Variants in PTPRS observed in about 807,000 individuals in gnomAD.
PTPRS encodes the protein protein tyrosine phosphatase receptor type S, also known as receptor-type tyrosine-protein phosphatase S.
PTPRS carries 63 observed loss-of-function variants against 215.3 expected under a neutral mutation model. That is an observed-to-expected ratio of 0.29 (90% confidence interval 0.24 to 0.36). The LOEUF (loss-of-function observed/expected upper bound fraction) is 0.36. PTPRS is among the 10% of genes least tolerant of loss of function. The pLI is 1.00. For synonymous variants in PTPRS, 1,404 were observed against 1,191.4 expected (o/e 1.18, Z -3.68); for missense variants, 2,258 against 2,825.8 (o/e 0.80, Z 4.56).
At chr19:5,235,710 G>A (rs565326658) in intron 13 of PTPRS, among the ~76,000 whole-genome samples, 93 of 152,228 alleles carry the variant, frequency 6.1e-4, no homozygotes, top group African/African-American at 2.1e-3. Context: ...CCAACTAGGT[G>A]CCCAGCACTG....
chr19:5,260,810 A>G lies in PTPRS; in HGVS notation c.590T>C (p.Ile197Thr), dbSNP rs1405759365. The change falls in exon 7 of 38, where the codon ATT becomes ACT. Residue 197 changes from isoleucine to threonine, a missense_variant. Transcript: ENST00000262963. ...LRSETFESTP[I>T]RGALQIESSE... The stretch of plus-strand genomic sequence containing the variant: ...GTGAGTGAGGAGCCTCTTACCTCGA[A>G]TCGGAGTGCTTTCTGTAAGGGAAGC... The G allele has an allele frequency of 6.2e-7, 1 of 1,613,646 alleles. No individual in the cohort carries two copies. The highest frequency in any genetic ancestry group is 1.3e-5 in the African/African-American group (1 of 74,916).
At chr19:5,264,971 C>T (rs998817774) in intron 5 of PTPRS, 37 bp downstream of exon 5, 3 of 1,610,200 alleles carry the variant, frequency 1.9e-6, no homozygotes, top group Non-Finnish European at 1.7e-6. Flanking sequence ...CTGCTGCCCT[C>T]CAAGGCTCCC....
Position 5,206,527 on chromosome 19 carries a change from TGGAA to T in PTPRS, c.*243_*246del. The T allele has an allele frequency of 3.6e-6, 1 of 280,586 alleles. No individual in the cohort carries two copies. Among genetic ancestry groups the T allele is most frequent in the Non-Finnish European group, 6.9e-6 (1 of 145,086 alleles). 17.4% of individuals were successfully genotyped at this position (280,586 alleles called of 1,614,324 possible). Reference sequence around the variant, plus strand: ...CCACCCCGGAATCTGGTTTTGGAATTGGAAGGAAAGGAGGAATGTGCCAAGTATT... The same window carrying T: ...CCACCCCGGAATCTGGTTTTGGAATTGGAAAGGAGGAATGTGCCAAGTATT... On this transcript the variant is annotated 3_prime_UTR_variant, in exon 38 of 38. Transcript: ENST00000262963.
intron 1 of PTPRS, among the ~76,000 whole-genome samples, chr19:5,300,921 G>C (rs61648159): frequency 8.7e-4 from 133 of 152,322 alleles, no homozygotes; most frequent in African/African-American, 3.2e-3. Flanking sequence ...ATAGCACAGA[G>C]GTCAGCAGGT....
intron 1 of PTPRS, among the ~76,000 whole-genome samples, chr19:5,317,484 CA>C (rs972173801): frequency 6.6e-6 from 1 of 152,040 alleles, no homozygotes; most frequent in Non-Finnish European, 1.5e-5. Context: ...ACAAAAAACA[CA>C]AAACATTGCA....
At chr19:5,328,960 T>A (rs1397406793) in intron 1 of PTPRS, among the ~76,000 whole-genome samples, 2 of 152,228 alleles carry the variant, frequency 1.3e-5, no homozygotes, top group African/African-American at 4.8e-5. Context: ...TCATTAGACG[T>A]GGCAATGCTG....
rs747333190 is a variant in PTPRS, at chr19:5,229,313, T to TA, written c.2376+2dup. On this transcript the variant is annotated splice_region_variant and intron_variant, in intron 16 of 37. Transcript: ENST00000262963. ...TAGGTGGGTGGCCAGGGGCGCTACT[T>TA]ACATATTCGGCCGTGTCATCCGTCT... 1.5e-6 allele frequency: 2 copies of TA among 1,378,614 alleles called. No homozygotes were observed. The highest frequency in any genetic ancestry group is 5.6e-5 in the East Asian group (2 of 35,830). 85.4% of individuals were successfully genotyped at this position (1,378,614 alleles called of 1,614,324 possible).
intron 4 of PTPRS, among the ~76,000 whole-genome samples, chr19:5,269,279 G>A (rs2046699569): frequency 6.6e-6 from 1 of 152,176 alleles, no homozygotes; most frequent in African/African-American, 2.4e-5. Flanking sequence ...CAGCCAGGGT[G>A]CAGGGGGAGG....
At position 5,244,269 on chromosome 19, in the gene PTPRS, C is replaced by A; in HGVS notation, c.1202G>T (p.Trp401Leu). ...GLSPNSEYEI[W>L]VSAVNSIGQG... ...GCCGATGGAGTTGACGGCCGACACC[C>A]AGATCTCGTACTCCGAGTTGGGGCT... Residue 401 changes from tryptophan (W) to leucine (L), a missense_variant, in exon 11 of 38, where the codon TGG (tryptophan) becomes TTG (leucine). Trp to Leu is a moderately conservative substitution (Grantham distance 61, BLOSUM62 -2). This residue lies in a region of PTPRS where 508 missense variants were observed against 799.4 expected (regional missense o/e 0.64). Coordinates refer to ENST00000262963, the MANE Select transcript of PTPRS (RefSeq NM_002850.4). This position sits in a 1 kb window ranked among gnomAD's most constrained non-coding sequence, Gnocchi z 7.2. 4 of 1,614,188 alleles carry A rather than the reference C, an allele frequency of 2.5e-6. No individual in the cohort carries two copies. Among genetic ancestry groups the A allele is most frequent in the Non-Finnish European group, 3.4e-6 (4 of 1,180,014 alleles).
At chr19:5,240,133 C>A in intron 12 of PTPRS, 66 bp downstream of exon 12, 1 of 1,421,872 alleles carries the variant, frequency 7.0e-7, no homozygotes, top group South Asian at 1.5e-5. Context: ...AGAGACAAGG[C>A]GGGCAGCGTC....
At chr19:5,336,264 G>GA (rs941756184) in intron 1 of PTPRS, among the ~76,000 whole-genome samples, 2 of 62,010 alleles carry the variant, frequency 3.2e-5, no homozygotes, top group African/African-American at 2.6e-4. Context: ...TAAAGGAAAA[G>GA]GGGGGGGGGC....
At position 5,231,328 on chromosome 19, in the gene PTPRS, C is replaced by A; in HGVS notation, c.2137G>T (p.Val713Phe). The A allele has an allele frequency of 6.2e-7, 1 of 1,609,226 alleles. No individual in the cohort carries two copies. ...GPGPESSPVV[V>F]RTDEDVPSAP... ...TACTTACCATCCTCGTCGGTGCGGA[C>A]GACCACGGGCGAGCTCTCGGGCCCT... The change falls in exon 14 of 38, where the codon GTC becomes TTC. Residue 713 changes from valine to phenylalanine, a missense_variant. Transcript: ENST00000262963.
At chr19:5,220,429 G>A (rs1021467905) in intron 20 of PTPRS, 76 bp from the exon 21 acceptor site, 1 of 1,221,358 alleles carries the variant, frequency 8.2e-7, no homozygotes, top group East Asian at 2.4e-5. Context: ...GGCAAACGGG[G>A]GAAGCCGTTT....
Position 5,286,224 on chromosome 19 carries a change from T to C in PTPRS, c.-84A>G. ...GAGAGGCCTCGAGCCGAGCGTCAGATGGGGCAACGTCTGCAGAGACAATGG... is the reference window on the plus strand; with the variant it reads ...GAGAGGCCTCGAGCCGAGCGTCAGACGGGGCAACGTCTGCAGAGACAATGG... On this transcript the variant is annotated 5_prime_UTR_variant, in exon 2 of 38. Transcript: ENST00000262963. The C allele has an allele frequency of 2.8e-6, 4 of 1,452,814 alleles. No homozygotes were observed. Among genetic ancestry groups the C allele is most frequent in the Non-Finnish European group, 3.8e-6 (4 of 1,055,132 alleles). The allele number at this position is 1,452,814 out of a possible 1,614,324, so 90.0% of individuals were successfully genotyped here.
chr19:5,338,414 ACAGG>A lies in PTPRS; in HGVS notation c.-95+2246_-95+2249del, dbSNP rs2050576871. Among the ~76,000 whole-genome samples, 1 of 152,146 alleles carries A rather than the reference ACAGG, an allele frequency of 6.6e-6. No individual in the cohort carries two copies. Among genetic ancestry groups the A allele is most frequent in the South Asian group, 2.1e-4 (1 of 4,834 alleles). On this transcript the variant is annotated intron_variant, in intron 1 of 37. Transcript: ENST00000262963. This position sits in a 1 kb window ranked among gnomAD's most constrained non-coding sequence, Gnocchi z 4.2. ...TGAGGGTGTCCCCCGGGCCTGGGGA[ACAGG>A]GCAGGACCCTGCTTCCCGGAGGGAA...
At chr19:5,243,125 C>CTT (rs746936561) in intron 11 of PTPRS, among the ~76,000 whole-genome samples, 1 of 138,070 alleles carries the variant, frequency 7.2e-6, no homozygotes, top group Admixed American at 7.2e-5. Context: ...GGCTAGCTCT[C>CTT]TTTTTTTTTT....
intron 23 of PTPRS, 21 bp downstream of exon 23, chr19:5,219,289 C>G: frequency 1.2e-6 from 2 of 1,613,610 alleles, no homozygotes; most frequent in Non-Finnish European, 1.7e-6. Flanking sequence ...CAAGTCAAGT[C>G]GGGGAGGACA....
At chr19:5,211,842 G>A in intron 32 of PTPRS, 74 bp from the exon 33 acceptor site, 1 of 1,584,436 alleles carries the variant, frequency 6.3e-7, no homozygotes, top group Non-Finnish European at 8.6e-7. Flanking sequence ...CACCAATGGT[G>A]GATAGGTAGG....
chr19:5,316,729 A>T (rs1338932608), intron 1 of PTPRS, among the ~76,000 whole-genome samples: 2 of 152,020 alleles, frequency 1.3e-5, no homozygotes, highest in Non-Finnish European at 2.9e-5. Context: ...GGGTTTCACC[A>T]GGTTGGCCAG....
Sources: gnomAD v4.1 joint callset for allele counts (sites outside exome capture counted in the v4.1 genomes callset) on GRCh38, gnomAD v4.1.1 for gene constraint, gnomAD v4.1.1 regional missense constraint, Gnocchi (gnomAD v3.1) non-coding constraint, MANE v1.5 for transcripts, NCBI Gene and HGNC (gene_info 2026-07-23, HGNC 2026-07-21) for gene names.